SYTL3: variants seen among roughly 807,000 people sequenced by gnomAD.
SYTL3 encodes the protein synaptotagmin like 3, also known as synaptotagmin-like protein 3.
In SYTL3, 88 loss-of-function variants were observed where a neutral mutation model predicts 82.1. The ratio of observed to expected loss-of-function variants is 1.07; its 90% CI spans 0.90 to 1.28. The LOEUF (loss-of-function observed/expected upper bound fraction) is 1.28. Ranked by LOEUF, SYTL3 falls within the 50% of genes most tolerant of loss-of-function variation. The probability of loss-of-function intolerance (pLI) is 0.00; values close to 1 mark genes in which losing one functional copy is unlikely to be tolerated. For missense variants in SYTL3, 831 were observed against 757.6 expected, an observed-to-expected ratio of 1.10 and a Z score of -1.14; for synonymous variants, 311 against 289.4, an observed-to-expected ratio of 1.07 and a Z score of -0.76.
chr6:158,687,113 G>T (rs1017923580), intron 6 of SYTL3, among the ~76,000 whole-genome samples: 2 of 152,186 alleles, frequency 1.3e-5, no homozygotes, highest in African/African-American at 2.4e-5. Flanking sequence ...CTCTTTCCAC[G>T]CACTGGTTAT....
chr6:158,665,204 G>GA (rs1039305808), intron 4 of SYTL3, among the ~76,000 whole-genome samples, 191 bp from the exon 5 acceptor site: 1 of 152,140 alleles, frequency 6.6e-6, no homozygotes, highest in African/African-American at 2.4e-5. Flanking sequence ...TTTCACGGTT[G>GA]AAAAAACCCT....
At chr6:158,759,192 G>A (rs1217477839) in intron 14 of SYTL3, among the ~76,000 whole-genome samples, 1 of 152,226 alleles carries the variant, frequency 6.6e-6, no homozygotes, top group Non-Finnish European at 1.5e-5. Context: ...GCAAGTGGGT[G>A]AGGAGCAGGT....
intron 5 of SYTL3, among the ~76,000 whole-genome samples, chr6:158,681,382 A>G (rs1379467290): frequency 6.6e-6 from 1 of 152,174 alleles, no homozygotes; most frequent in Non-Finnish European, 1.5e-5. Context: ...GTCCTGCCGT[A>G]GGGAGCTGCT....
chr6:158,758,459 G>A (rs1220725528), intron 14 of SYTL3, among the ~76,000 whole-genome samples: 3 of 151,188 alleles, frequency 2.0e-5, no homozygotes, highest in Non-Finnish European at 2.9e-5. Context: ...AAAACCCAGC[G>A]GGATGGACTA....
chr6:158,733,476 G>C (rs749396901), intron 11 of SYTL3, among the ~76,000 whole-genome samples: 1 of 151,908 alleles, frequency 6.6e-6, no homozygotes. Flanking sequence ...ACAGGTGCCC[G>C]CCACCACGCC....
Position 158,717,438 on chromosome 6 carries a change from G to T in SYTL3, c.596-649G>T, listed in dbSNP as rs566808243. ...TAAGGTCCCCGTTTGGAGGAGTGGG[G>T]TTCTCAAGGGAAAATGAAACCATCT... On this transcript the variant is annotated intron_variant, in intron 9 of 17. Transcript: ENST00000611299. Among the ~76,000 whole-genome samples, 74 of 152,088 alleles carry T rather than the reference G, an allele frequency of 4.9e-4. 3 individuals carry two copies. In the South Asian group the frequency reaches 0.014, roughly 29 times the overall value.
At chr6:158,725,326 CGT>C (rs138428767) in intron 10 of SYTL3, among the ~76,000 whole-genome samples, 175 bp from the exon 11 acceptor site, 242 of 150,474 alleles carry the variant, frequency 1.6e-3, no homozygotes, top group African/African-American at 4.7e-3. Flanking sequence ...TGTGTGTGTG[CGT>C]GTGTGTGTGT....
chr6:158,669,007 G>C (rs966916602), intron 5 of SYTL3, among the ~76,000 whole-genome samples: 2 of 152,184 alleles, frequency 1.3e-5, no homozygotes, highest in Non-Finnish European at 2.9e-5. Context: ...AGAAGAGGGT[G>C]ACTTGGGAGG....
At chr6:158,709,755 A>G (rs1018048266) in intron 8 of SYTL3, among the ~76,000 whole-genome samples, 5 of 152,240 alleles carry the variant, frequency 3.3e-5, no homozygotes, top group Non-Finnish European at 7.3e-5. Context: ...CCAAAAATAT[A>G]ATTCTAGAAA....
At chr6:158,724,847 T>G (rs961765968) in intron 10 of SYTL3, among the ~76,000 whole-genome samples, 9 of 152,148 alleles carry the variant, frequency 5.9e-5, no homozygotes, top group African/African-American at 2.2e-4. Context: ...AAACCCCATC[T>G]CTACTAAAAA....
chr6:158,724,110 C>G (rs751942595), intron 10 of SYTL3, among the ~76,000 whole-genome samples: 1 of 152,210 alleles, frequency 6.6e-6, no homozygotes, highest in Non-Finnish European at 1.5e-5. Flanking sequence ...TCCCATTGAC[C>G]TGGCTGGTGC....
intron 14 of SYTL3, among the ~76,000 whole-genome samples, chr6:158,759,578 G>T (rs1249662409): frequency 1.3e-5 from 2 of 152,204 alleles, no homozygotes; most frequent in East Asian, 3.8e-4. Context: ...TGTCGTCCAG[G>T]CTGGAGTGAA....
At chr6:158,742,820 C>T (rs1190688855) in intron 11 of SYTL3, among the ~76,000 whole-genome samples, 1 of 152,080 alleles carries the variant, frequency 6.6e-6, no homozygotes, top group African/African-American at 2.4e-5. Context: ...ACCTCCTGAC[C>T]TCATGATCTG....
intron 5 of SYTL3, among the ~76,000 whole-genome samples, chr6:158,666,492 G>A (rs774391231): frequency 6.6e-6 from 1 of 152,206 alleles, no homozygotes; most frequent in Non-Finnish European, 1.5e-5. Context: ...CTGGCCATGA[G>A]CTCCGTGAAA....
intron 5 of SYTL3, among the ~76,000 whole-genome samples, chr6:158,672,980 A>G (rs1460265407): frequency 6.6e-6 from 1 of 152,006 alleles, no homozygotes; most frequent in East Asian, 1.9e-4. Context: ...CACCCAGGCT[A>G]GAGTACAGGG....
At chr6:158,715,812 T>C in intron 9 of SYTL3, among the ~76,000 whole-genome samples, 1 of 150,212 alleles carries the variant, frequency 6.7e-6, no homozygotes, top group East Asian at 1.9e-4. Flanking sequence ...ACAGGACACT[T>C]AGCGTCCTGT....
rs1475070877 is a variant in SYTL3 at position 158,707,336 on chromosome 6, G to C, written c.446+55G>C. ...GGCCCTCCGGGGCAGGAGCGCAGAG[G>C]ACACTCTGCAAGAACTTATAGGTCT... is the stretch of plus-strand genomic sequence containing the variant. On this transcript the variant is annotated intron_variant, in intron 7 of 17. Transcript: ENST00000611299. The C allele has an allele frequency of 7.2e-6, 11 of 1,527,258 alleles. No homozygotes were observed. In the East Asian group the frequency reaches 2.5e-4, roughly 34 times the overall value. 94.6% of individuals were successfully genotyped at this position (1,527,258 alleles called of 1,614,324 possible).
chr6:158,697,493 C>T (rs371581308), intron 6 of SYTL3, among the ~76,000 whole-genome samples: 8 of 151,946 alleles, frequency 5.3e-5, no homozygotes, highest in African/African-American at 1.9e-4. Flanking sequence ...ATAATGATTT[C>T]TTAGCTATGA....
At chr6:158,668,753 GGA>G (rs958427981) in intron 5 of SYTL3, among the ~76,000 whole-genome samples, 6 of 152,176 alleles carry the variant, frequency 3.9e-5, no homozygotes, top group African/African-American at 1.4e-4. Context: ...ATGGAGAATG[GGA>G]GAGACAGGAA....
Sources: allele counts gnomAD v4.1 joint callset (sites outside exome capture counted in the v4.1 genomes callset), GRCh38; gene constraint gnomAD v4.1.1; transcripts MANE v1.5; gene names NCBI Gene and HGNC (gene_info 2026-07-23, HGNC 2026-07-21).